SEPTIN9: variants seen among roughly 807,000 people sequenced by gnomAD.
SEPTIN9 encodes septin 9.
A neutral mutation model predicts 56.6 loss-of-function variants in SEPTIN9; 13 were observed. The ratio of observed to expected loss-of-function variants is 0.23; its 90% CI spans 0.15 to 0.37. The LOEUF (loss-of-function observed/expected upper bound fraction) is 0.37. SEPTIN9 is among the 10% of genes least tolerant of loss of function. The probability of loss-of-function intolerance (pLI) is 1.00; values close to 1 mark genes in which losing one functional copy is unlikely to be tolerated. For missense variants in SEPTIN9, 650 were observed against 823.1 expected (o/e 0.79, Z 2.57); for synonymous variants, 332 against 334.1 (o/e 0.99, Z 0.07).
rs892121178 is a variant in SEPTIN9 at position 77,373,125 on chromosome 17, G to A, written c.77-28934G>A. On this transcript the variant is annotated intron_variant, in intron 2 of 11. Coordinates refer to ENST00000427177, the MANE Select transcript of SEPTIN9 (RefSeq NM_001113491.2). ...CGTCCCCTGGGCGCGGGCCAGGCGG[G>A]GAGGAGGGGGGCGCTCCGGTCGTGT... 8 of 931,002 alleles carry A rather than the reference G, an allele frequency of 8.6e-6. No homozygotes were observed. The African/African-American group carries it at 1.2e-4, about 14-fold the overall frequency. 57.7% of individuals were successfully genotyped at this position (931,002 alleles called of 1,614,324 possible).
intron 3 of SEPTIN9, among the ~76,000 whole-genome samples, chr17:77,441,597 C>T (rs376626954): frequency 1.6e-3 from 244 of 152,344 alleles, no homozygotes; most frequent in Middle Eastern, 6.8e-3. Flanking sequence ...GACAAGTAAA[C>T]TGAGCTTCAG....
At chr17:77,467,167 G>T (rs180855534) in intron 3 of SEPTIN9, among the ~76,000 whole-genome samples, 7 of 152,212 alleles carry the variant, frequency 4.6e-5, no homozygotes, top group African/African-American at 1.7e-4. Context: ...GCCGCGAGAC[G>T]TCTGACCTTC....
chr17:77,334,421 C>CAAAA (rs34122443), intron 2 of SEPTIN9, among the ~76,000 whole-genome samples: 1 of 92,274 alleles, frequency 1.1e-5, no homozygotes, highest in Non-Finnish European at 2.2e-5. Context: ...GACTCTGTCT[C>CAAAA]AAAAAAAAAA....
intron 2 of SEPTIN9, among the ~76,000 whole-genome samples, chr17:77,325,940 G>A (rs1382157482): frequency 1.3e-5 from 2 of 152,086 alleles, no homozygotes; most frequent in Admixed American, 6.5e-5. Flanking sequence ...TCCTAGCAAC[G>A]GGGAGCTGGC....
At chr17:77,474,705 C>T (rs2039137828) in intron 3 of SEPTIN9, among the ~76,000 whole-genome samples, 1 of 152,220 alleles carries the variant, frequency 6.6e-6, no homozygotes. Flanking sequence ...GCTCACCTAC[C>T]TGGCTTCAAA....
chr17:77,357,297 GT>G (rs1363369516), intron 2 of SEPTIN9, among the ~76,000 whole-genome samples: 7 of 152,194 alleles, frequency 4.6e-5, no homozygotes, highest in African/African-American at 1.4e-4. Context: ...GATGCATGGT[GT>G]TTTGGGGTCT....
intron 1 of SEPTIN9, chr17:77,288,222 G>C (rs1047093712): frequency 2.9e-6 from 3 of 1,045,764 alleles, no homozygotes; most frequent in Non-Finnish European, 3.5e-6. Flanking sequence ...TGGGTGCATT[G>C]CTCTCTTTCC....
intron 3 of SEPTIN9, among the ~76,000 whole-genome samples, chr17:77,427,493 G>A (rs368823900): frequency 5.3e-5 from 8 of 152,166 alleles, no homozygotes; most frequent in Non-Finnish European, 1.0e-4. Flanking sequence ...CCCGTCCTCC[G>A]GGCTCTGGCA....
In SEPTIN9 at chr17:77,428,872, T is replaced by C. The variant is rs2037015029; in HGVS notation, c.721+26169T>C. The C allele has an allele frequency of 7.4e-6, 3 of 405,140 alleles. No individual in the cohort carries two copies. The Admixed American group carries it at 8.3e-5, about 11-fold the overall frequency. The allele number at this position is 405,140 out of a possible 1,614,324, so 25.1% of individuals were successfully genotyped here. On this transcript the variant is annotated intron_variant, in intron 3 of 11. Transcript: ENST00000427177. ...GGTTCAGAAGCTGATAAGCAGGTTA[T>C]TGACTCTGAATTTGCCTCATCGTAT...
intron 3 of SEPTIN9, among the ~76,000 whole-genome samples, chr17:77,422,006 G>A (rs1262293626): frequency 7.0e-6 from 1 of 141,912 alleles, no homozygotes; most frequent in Non-Finnish European, 1.5e-5. Flanking sequence ...GTGCCACCAT[G>A]CCTGGTTAAT....
At chr17:77,392,537 C>G (rs753639510) in intron 2 of SEPTIN9, among the ~76,000 whole-genome samples, 1 of 77,950 alleles carries the variant, frequency 1.3e-5, no homozygotes, top group Non-Finnish European at 2.4e-5. Flanking sequence ...CAGTCAGTAA[C>G]CTTTGGCCAC....
Position 77,488,882 on chromosome 17 carries a change from C to G in SEPTIN9, c.1262+18C>G, listed in dbSNP as rs773849912. 43 of 1,612,382 alleles carry G rather than the reference C, an allele frequency of 2.7e-5. No homozygotes were observed. Among genetic ancestry groups the G allele is most frequent in the Non-Finnish European group, 3.1e-5 (36 of 1,179,706 alleles). On this transcript the variant is annotated intron_variant, in intron 7 of 11. Transcript: ENST00000427177. ...GGCCACTCGTACGTCCCTGCAGTGT[C>G]GGCGTCCTCATGCCGGGTGCCCTGG...
At chr17:77,381,577 G>A (rs2035145268) in intron 2 of SEPTIN9, among the ~76,000 whole-genome samples, 1 of 152,262 alleles carries the variant, frequency 6.6e-6, no homozygotes, top group Admixed American at 6.5e-5. Context: ...CTCCAAACCA[G>A]GCCTGGAGGG....
Position 77,405,684 on chromosome 17 carries a change from G to T in SEPTIN9, c.721+2981G>T, listed in dbSNP as rs1171444617. 6.6e-6 allele frequency among the ~76,000 whole-genome samples: 1 copy of T among 152,110 alleles called. No individual in the cohort carries two copies. The highest frequency in any genetic ancestry group is 2.4e-5 in the African/African-American group (1 of 41,396). ...GTGCTCTTGAAATCCGATGGGAGTG[G>T]CTTCTCGGGGGGCCCAGGCCTGAGC... On this transcript the variant is annotated intron_variant, in intron 3 of 11. Coordinates refer to ENST00000427177, the MANE Select transcript of SEPTIN9 (RefSeq NM_001113491.2). This position sits in a 1 kb window ranked among gnomAD's most constrained non-coding sequence, Gnocchi z 5.8.
chr17:77,498,824 A>G lies in SEPTIN9; in HGVS notation c.*166A>G, dbSNP rs886259978. 4.7e-6 allele frequency: 3 copies of G among 633,544 alleles called. No homozygotes were observed. Among genetic ancestry groups the G allele is most frequent in the Non-Finnish European group, 5.8e-6 (2 of 343,672 alleles). 39.2% of individuals were successfully genotyped at this position (633,544 alleles called of 1,614,324 possible). On this transcript the variant is annotated 3_prime_UTR_variant, in exon 12 of 12. Transcript: ENST00000427177. ...AAGGGAAGGGGCCTCCCTCCGAGTGAGTCAGTGATGAGGCCGCGGCCTCCC... is the reference window on the plus strand; with the variant it reads ...AAGGGAAGGGGCCTCCCTCCGAGTGGGTCAGTGATGAGGCCGCGGCCTCCC...
chr17:77,486,420 G>A (rs2039780824), intron 4 of SEPTIN9, among the ~76,000 whole-genome samples: 1 of 152,010 alleles, frequency 6.6e-6, no homozygotes, highest in Non-Finnish European at 1.5e-5. Context: ...ATTTTTTTTG[G>A]TGTGTTGCTA....
At chr17:77,344,969 CAAAAAAAAA>C (rs35165946) in intron 2 of SEPTIN9, among the ~76,000 whole-genome samples, 1 of 67,956 alleles carries the variant, frequency 1.5e-5, no homozygotes, top group Non-Finnish European at 3.0e-5. Flanking sequence ...AAGACTGCCT[CAAAAAAAAA>C]AAAAAAAAAA....
intron 2 of SEPTIN9, among the ~76,000 whole-genome samples, chr17:77,365,813 G>A (rs1300053631): frequency 6.6e-6 from 1 of 152,200 alleles, no homozygotes; most frequent in African/African-American, 2.4e-5. Context: ...GCTCCCTGGG[G>A]ACCACGTCGC....
Position 77,323,175 on chromosome 17 carries a change from C to A in SEPTIN9, c.76+15978C>A, listed in dbSNP as rs1033011692. 1.7e-4 allele frequency among the ~76,000 whole-genome samples: 26 copies of A among 152,120 alleles called. No individual in the cohort carries two copies. The highest frequency in any genetic ancestry group is 3.7e-4 in the Non-Finnish European group (25 of 68,018). On this transcript the variant is annotated intron_variant, in intron 2 of 11. Coordinates refer to ENST00000427177, the MANE Select transcript of SEPTIN9 (RefSeq NM_001113491.2). The surrounding 1 kb of genome is among the most constrained non-coding windows in gnomAD (Gnocchi z 6.8). The stretch of plus-strand genomic sequence containing the variant: ...TTGTGAACGGGGGCCTGGGTACTCT[C>A]CCGCCCTCCCTGGGGGCTGTGGCCT...
Sources: gnomAD v4.1 joint callset for allele counts (sites outside exome capture counted in the v4.1 genomes callset) on GRCh38, gnomAD v4.1.1 for gene constraint, Gnocchi (gnomAD v3.1) non-coding constraint, MANE v1.5 for transcripts, NCBI Gene and HGNC (gene_info 2026-07-23, HGNC 2026-07-21) for gene names.